Variants in NELL1 observed in about 807,000 individuals in gnomAD.
The protein encoded by NELL1 is neural EGFL like 1, also known as protein kinase C-binding protein NELL1.
Under a neutral mutation model 107.4 loss-of-function variants are expected in NELL1, and 76 were observed. The observed-to-expected ratio is 0.71, with a 90% CI of 0.59 to 0.86. NELL1 has a LOEUF of 0.86. Ranked by LOEUF, NELL1 falls within the 40% of genes least tolerant of loss-of-function variation. The pLI is 0.00. For missense variants in NELL1, 1,024 were observed against 1,005.5 expected (o/e 1.02, Z -0.25); for synonymous variants, 353 against 341.2 (o/e 1.03, Z -0.38).
chr11:21,249,075 T>G (rs1337446372), intron 14 of NELL1, among the ~76,000 whole-genome samples: 3 of 152,156 alleles, frequency 2.0e-5, no homozygotes, highest in Non-Finnish European at 4.4e-5. Context: ...CTAGTTTTGC[T>G]TAACCCCATT....
intron 9 of NELL1, among the ~76,000 whole-genome samples, chr11:20,929,543 G>T (rs1403745263): frequency 2.6e-5 from 4 of 151,936 alleles, no homozygotes; most frequent in Non-Finnish European, 2.9e-5. Flanking sequence ...AGAACTTTTG[G>T]AAGTCATGTC....
intron 2 of NELL1, among the ~76,000 whole-genome samples, chr11:20,766,208 T>C (rs1856525299): frequency 6.6e-6 from 1 of 152,192 alleles, no homozygotes; most frequent in South Asian, 2.1e-4. Flanking sequence ...GCCCAAACAC[T>C]GGGCTGGATG....
At chr11:21,162,874 T>C (rs1027059719) in intron 13 of NELL1, among the ~76,000 whole-genome samples, 1 of 152,190 alleles carries the variant, frequency 6.6e-6, no homozygotes, top group Non-Finnish European at 1.5e-5. Flanking sequence ...AACAATTTAA[T>C]TGAAACATGA....
intron 13 of NELL1, among the ~76,000 whole-genome samples, chr11:21,117,344 G>A (rs1255018084): frequency 2.0e-5 from 3 of 151,968 alleles, no homozygotes; most frequent in South Asian, 2.1e-4. Flanking sequence ...AAACTCTTGA[G>A]AGCAGGGGCC....
At chr11:21,009,097 C>A (rs560950310) in intron 12 of NELL1, among the ~76,000 whole-genome samples, 1 of 152,080 alleles carries the variant, frequency 6.6e-6, no homozygotes, top group African/African-American at 2.4e-5. Context: ...TGTTGTGCTG[C>A]AATTTACTGT....
chr11:21,507,974 G>T (rs1338033150), intron 15 of NELL1, among the ~76,000 whole-genome samples: 1 of 151,800 alleles, frequency 6.6e-6, no homozygotes, highest in Non-Finnish European at 1.5e-5. Context: ...AGAGATGAGG[G>T]TTTCACCATA....
At chr11:21,479,443 G>A (rs1432898734) in intron 15 of NELL1, among the ~76,000 whole-genome samples, 2 of 152,014 alleles carry the variant, frequency 1.3e-5, no homozygotes, top group Non-Finnish European at 2.9e-5. Context: ...GGCACACAAA[G>A]GCAAACTTCT....
At chr11:21,424,929 T>C (rs1255341404) in intron 15 of NELL1, among the ~76,000 whole-genome samples, 1 of 152,200 alleles carries the variant, frequency 6.6e-6, no homozygotes, top group African/African-American at 2.4e-5. Context: ...ACTTCTTAAC[T>C]TGTTCTATGA....
At chr11:21,085,868 A>T (rs570110282) in intron 12 of NELL1, among the ~76,000 whole-genome samples, 38 of 152,308 alleles carry the variant, frequency 2.5e-4, no homozygotes, top group Non-Finnish European at 5.3e-4. Flanking sequence ...TTTAAGGAAG[A>T]GAGGGGTATG....
chr11:20,834,119 C>A (rs1848485670), intron 3 of NELL1, among the ~76,000 whole-genome samples: 1 of 151,960 alleles, frequency 6.6e-6, no homozygotes, highest in South Asian at 2.1e-4. Context: ...TTCGGTGAGA[C>A]CTGATAGGAA....
chr11:21,226,842 TGAAGTG>T (rs1379610922), intron 13 of NELL1, among the ~76,000 whole-genome samples: 3 of 152,292 alleles, frequency 2.0e-5, no homozygotes, highest in Admixed American at 6.5e-5. Flanking sequence ...AGTATGGGTT[TGAAGTG>T]GTGTCTGAAG....
chr11:21,299,365 A>T (rs1027883176), intron 14 of NELL1, among the ~76,000 whole-genome samples: 2 of 151,872 alleles, frequency 1.3e-5, no homozygotes, highest in Admixed American at 6.6e-5. Context: ...ATCACAGTAC[A>T]TTTGGAGGAG....
intron 3 of NELL1, among the ~76,000 whole-genome samples, chr11:20,815,433 A>C (rs1387569022): frequency 6.6e-6 from 1 of 151,936 alleles, no homozygotes; most frequent in Non-Finnish European, 1.5e-5. Context: ...ATTTTTGCTT[A>C]TGTTTTTTGG....
chr11:20,952,443 TCCTC>T (rs1229645448), intron 11 of NELL1, among the ~76,000 whole-genome samples: 3 of 152,144 alleles, frequency 2.0e-5, no homozygotes, highest in East Asian at 3.9e-4. Flanking sequence ...CACCCAGTCT[TCCTC>T]ATTGTTTTGG....
At chr11:21,230,685 G>A (rs970058584) in intron 14 of NELL1, among the ~76,000 whole-genome samples, 8 of 152,118 alleles carry the variant, frequency 5.3e-5, no homozygotes, top group East Asian at 3.9e-4. Context: ...AATTTACAAC[G>A]ACTAAGTCAC....
At chr11:20,985,547 G>A (rs528781701) in intron 12 of NELL1, among the ~76,000 whole-genome samples, 1 of 152,144 alleles carries the variant, frequency 6.6e-6, no homozygotes, top group East Asian at 1.9e-4. Context: ...GCAGAGTTGG[G>A]TATGGTGCCA....
chr11:20,823,555 A>G lies in NELL1; in HGVS notation c.336-24028A>G, dbSNP rs1024315430. Among the ~76,000 whole-genome samples, 3 of 151,482 alleles carry G rather than the reference A, an allele frequency of 2.0e-5. No homozygotes were observed. The East Asian group carries it at 5.8e-4, about 29-fold the overall frequency. The stretch of plus-strand genomic sequence containing the variant: ...CCTTGGACTTCAGAAGGCACAGAAG[A>G]CATGGCTGAATATTTTAATTGCTTG... On this transcript the variant is annotated intron_variant, in intron 3 of 19. Coordinates refer to ENST00000357134, the MANE Select transcript of NELL1 (RefSeq NM_006157.5).
At chr11:21,115,565 G>A (rs902416470) in intron 13 of NELL1, among the ~76,000 whole-genome samples, 22 of 147,552 alleles carry the variant, frequency 1.5e-4, no homozygotes, top group African/African-American at 5.7e-4. Context: ...TATTTTATGT[G>A]AGTTTTTTTT....
At chr11:21,315,048 C>T (rs116667471) in intron 14 of NELL1, among the ~76,000 whole-genome samples, 4,898 of 151,950 alleles carry the variant, frequency 0.032, 287 homozygotes, top group African/African-American at 0.11. Flanking sequence ...GTAGAGTTGG[C>T]GTGTCTCCAT....
Sources: allele counts gnomAD v4.1 joint callset (sites outside exome capture counted in the v4.1 genomes callset), GRCh38; gene constraint gnomAD v4.1.1; transcripts MANE v1.5; gene names NCBI Gene and HGNC (gene_info 2026-07-23, HGNC 2026-07-21).